CERS1: variants seen among roughly 807,000 people sequenced by gnomAD.
CERS1 encodes the protein Embryonic growth/differentiation factor 1.
CERS1 carries 16 observed loss-of-function variants against 35.7 expected under a neutral mutation model. That is an observed-to-expected ratio of 0.45 (90% CI 0.30 to 0.68). The LOEUF (loss-of-function observed/expected upper bound fraction) is 0.68, where lower values mean the gene tolerates loss of function less well. Ranked by LOEUF, CERS1 falls within the 30% of genes least tolerant of loss-of-function variation. The pLI is 0.08. For missense variants in CERS1, 454 were observed against 453.9 expected (o/e 1.00, Z 0.00); for synonymous variants, 243 against 201.6 (o/e 1.21, Z -1.74).
Position 18,878,836 on chromosome 19 carries a change from A to G in CERS1, c.1010+94T>C. 6.5e-7 allele frequency: 1 copy of G among 1,538,858 alleles called. No homozygotes were observed. Among genetic ancestry groups the G allele is most frequent in the South Asian group, 1.2e-5 (1 of 84,056 alleles). ...GGGGGGCAGCATCCGCGTCGGCCTC[A>G]TCTGCTGCTGGGTCTTGGGGGCCTG... On this transcript the variant is annotated intron_variant, in intron 6 of 7. Transcript: ENST00000623882. The surrounding 1 kb of genome is among the most constrained non-coding windows in gnomAD (Gnocchi z 4.6).
At chr19:18,883,954 T>C (rs558313176) in intron 3 of CERS1, 133 bp downstream of exon 3, 147 of 958,086 alleles carry the variant, frequency 1.5e-4, no homozygotes, top group Non-Finnish European at 1.7e-4. Flanking sequence ...CTGAGCACTC[T>C]GACCTTGGAA....
intron 3 of CERS1, chr19:18,881,674 C>T (rs901388842): frequency 1.3e-5 from 2 of 152,286 alleles, no homozygotes; most frequent in Admixed American, 1.3e-4. Context: ...CTGACAGCTC[C>T]TGGGCTCCTG....
chr19:18,884,709 CTTTTTTTT>C (rs36074874), intron 2 of CERS1, among the ~76,000 whole-genome samples: 7 of 69,128 alleles, frequency 1.0e-4, no homozygotes, highest in Non-Finnish European at 1.5e-4. Flanking sequence ...GCCCAGCCGT[CTTTTTTTT>C]TTTTTTTTTT....
chr19:18,894,690 A>G (rs2056582643), intron 1 of CERS1, among the ~76,000 whole-genome samples: 1 of 152,104 alleles, frequency 6.6e-6, no homozygotes, highest in African/African-American at 2.4e-5. Flanking sequence ...GGGGCCCTGG[A>G]CAGCCCTGTC....
chr19:18,883,460 G>C (rs535972282), intron 3 of CERS1: 1 of 152,278 alleles, frequency 6.6e-6, no homozygotes, highest in African/African-American at 2.4e-5. Flanking sequence ...TTGAGCCCAG[G>C]AGGTCCAGGC....
At position 18,895,443 on chromosome 19, in the gene CERS1, G is replaced by C. The variant is rs1035340025; in HGVS notation, c.249+381C>G. Among the ~76,000 whole-genome samples the C allele has an allele frequency of 2.6e-5, 4 of 152,076 alleles. No homozygotes were observed. Among genetic ancestry groups the C allele is most frequent in the Non-Finnish European group, 5.9e-5 (4 of 67,986 alleles). On this transcript the variant is annotated intron_variant, in intron 1 of 7. Coordinates refer to ENST00000623882, the MANE Select transcript of CERS1 (RefSeq NM_021267.5). This position sits in a 1 kb window ranked among gnomAD's most constrained non-coding sequence, Gnocchi z 6.4. The stretch of plus-strand genomic sequence containing the variant: ...GCCCTGCCGGAAAGAGCGCGCGGTG[G>C]CCGGAGCCATCCACCGCGCGGGGCC...
At chr19:18,893,155 C>T (rs1211105613) in intron 2 of CERS1, among the ~76,000 whole-genome samples, 1 of 152,084 alleles carries the variant, frequency 6.6e-6, no homozygotes. Flanking sequence ...CCTCGTGATC[C>T]ACTCACCTTG....
rs999030522 is a variant in CERS1, at chr19:18,869,417, C to T, written c.*595-27G>A. On this transcript the variant is annotated intron_variant, in intron 7 of 7. Transcript: ENST00000623882. Reference sequence around the variant, plus strand: ...TGGGGAGGTAGGAACAGGAACTCGGCTCGCGCTGCGTCCCCGGCCTGCCCA... The same window carrying T: ...TGGGGAGGTAGGAACAGGAACTCGGTTCGCGCTGCGTCCCCGGCCTGCCCA... 4.6e-6 allele frequency: 7 copies of T among 1,524,944 alleles called. No homozygotes were observed. The South Asian group carries it at 8.4e-5, about 18-fold the overall frequency. 94.5% of individuals were successfully genotyped at this position (1,524,944 alleles called of 1,614,324 possible). A position where few individuals can be genotyped will look rare whatever the true frequency, so the allele number is the denominator to read the frequency against.
At chr19:18,880,770 C>A (rs1157197261) in intron 3 of CERS1, among the ~76,000 whole-genome samples, 1 of 151,974 alleles carries the variant, frequency 6.6e-6, no homozygotes, top group African/African-American at 2.4e-5. Flanking sequence ...GTGATCGGGC[C>A]CACTGCAGCC....
intron 6 of CERS1, among the ~76,000 whole-genome samples, chr19:18,877,709 C>T (rs538357095): frequency 2.1e-5 from 3 of 143,578 alleles, no homozygotes; most frequent in East Asian, 2.1e-4. Flanking sequence ...GAGCCGAGAT[C>T]GTGCCACTGC....
intron 6 of CERS1, among the ~76,000 whole-genome samples, chr19:18,875,388 C>G (rs1362475458): frequency 1.3e-5 from 2 of 151,806 alleles, no homozygotes; most frequent in Non-Finnish European, 2.9e-5. Context: ...TGTAAAAATA[C>G]AAAAATTAGC....
At chr19:18,874,942 T>A (rs1011972643) in intron 6 of CERS1, among the ~76,000 whole-genome samples, 2 of 152,130 alleles carry the variant, frequency 1.3e-5, no homozygotes, top group African/African-American at 4.8e-5. Flanking sequence ...CAATCCTGAT[T>A]GAATTTTCGG....
In CERS1 at chr19:18,870,815, C is replaced by T. The variant is rs1263764212; in HGVS notation, c.1011-196G>A. On this transcript the variant is annotated intron_variant, in intron 6 of 7. Coordinates refer to ENST00000623882, the MANE Select transcript of CERS1 (RefSeq NM_021267.5). This position sits in a 1 kb window ranked among gnomAD's most constrained non-coding sequence, Gnocchi z 5.1. ...ACCCTGCCCCTCCTTCAACCTGCCC[C>T]GTAGGCACGTATGTCCCCCCTGGCA... Among the ~76,000 whole-genome samples the T allele has an allele frequency of 6.6e-6, 1 of 152,124 alleles. No individual in the cohort carries two copies. The highest frequency in any genetic ancestry group is 1.5e-5 in the Non-Finnish European group (1 of 67,998).
upstream of CERS1, among the ~76,000 whole-genome samples, chr19:18,896,370 G>A (rs1345279118): frequency 6.6e-6 from 1 of 150,852 alleles, no homozygotes; most frequent in East Asian, 2.0e-4. The surrounding 1 kb of genome is among the most constrained non-coding windows in gnomAD (Gnocchi z 5.9). Context: ...GAGACCCCGC[G>A]CACCGCCGTG....
Position 18,869,393 on chromosome 19 carries a change from G to A in CERS1, c.*595-3C>T. ...CTCCGAGGCCCGGGTGGGCGCACCT[G>A]GGGAGGTAGGAACAGGAACTCGGCT... On this transcript the variant is annotated splice_polypyrimidine_tract_variant and splice_region_variant and intron_variant, in intron 7 of 7. Coordinates refer to ENST00000623882, the MANE Select transcript of CERS1 (RefSeq NM_021267.5). The A allele has an allele frequency of 1.3e-6, 2 of 1,528,358 alleles. No individual in the cohort carries two copies. The highest frequency in any genetic ancestry group is 2.5e-5 in the East Asian group (1 of 40,166). 94.7% of individuals were successfully genotyped at this position (1,528,358 alleles called of 1,614,324 possible).
At chr19:18,875,200 C>T (rs112931905) in intron 6 of CERS1, among the ~76,000 whole-genome samples, 1,998 of 150,030 alleles carry the variant, frequency 0.013, 40 homozygotes, top group African/African-American at 0.046. Flanking sequence ...TGAGCCAGTG[C>T]GCTCCAGCGT....
At chr19:18,890,149 C>T (rs2056455969) in intron 2 of CERS1, among the ~76,000 whole-genome samples, 1 of 152,218 alleles carries the variant, frequency 6.6e-6, no homozygotes, top group Non-Finnish European at 1.5e-5. Flanking sequence ...CTTGCCTGGA[C>T]AGCAGTCCCT....
At position 18,895,382 on chromosome 19, in the gene CERS1, C is replaced by A. The variant is rs1380761784; in HGVS notation, c.249+442G>T. ...GCAGGCCGCGGTGCGCCGAGCCCTC[C>A]CGTTCCCGGTCCTGGGCTTCTCAGT... On this transcript the variant is annotated intron_variant, in intron 1 of 7. Coordinates refer to ENST00000623882, the MANE Select transcript of CERS1 (RefSeq NM_021267.5). This position sits in a 1 kb window ranked among gnomAD's most constrained non-coding sequence, Gnocchi z 6.4. Among the ~76,000 whole-genome samples the A allele has an allele frequency of 2.0e-5, 3 of 152,178 alleles. No individual in the cohort carries two copies. The highest frequency in any genetic ancestry group is 4.4e-5 in the Non-Finnish European group (3 of 68,020).
intron 2 of CERS1, among the ~76,000 whole-genome samples, chr19:18,886,881 C>T (rs1189500190): frequency 2.6e-5 from 4 of 152,240 alleles, no homozygotes; most frequent in Admixed American, 6.5e-5. Flanking sequence ...CACCCCAGTC[C>T]AGGCACTGTT....
Sources: allele counts gnomAD v4.1 joint callset (sites outside exome capture counted in the v4.1 genomes callset), GRCh38; gene constraint gnomAD v4.1.1; non-coding constraint Gnocchi (gnomAD v3.1); transcripts MANE v1.5; gene names NCBI Gene and HGNC (gene_info 2026-07-23, HGNC 2026-07-21).